PLCL1: variants seen among roughly 807,000 people sequenced by gnomAD.
PLCL1 encodes inactive phospholipase C-like protein 1.
Under a neutral mutation model 84.4 loss-of-function variants are expected in PLCL1, and 41 were observed. The observed-to-expected ratio is 0.49, with a 90% CI of 0.38 to 0.63. The LOEUF is 0.63. PLCL1 is among the 30% of genes least tolerant of loss of function. PLCL1 has a pLI of 0.00. For synonymous variants in PLCL1, 490 were observed against 488.3 expected, an observed-to-expected ratio of 1.00 and a Z score of -0.05; for missense variants, 1,206 against 1,367.8, an observed-to-expected ratio of 0.88 and a Z score of 1.87.
At chr2:197,813,705 C>A (rs1439757103) in intron 1 of PLCL1, among the ~76,000 whole-genome samples, 1 of 152,022 alleles carries the variant, frequency 6.6e-6, no homozygotes, top group Non-Finnish European at 1.5e-5. Context: ...CTCACAATAA[C>A]CATATGATAT....
intron 1 of PLCL1, among the ~76,000 whole-genome samples, chr2:197,833,903 T>G (rs531059857): frequency 1.3e-5 from 2 of 152,340 alleles, no homozygotes; most frequent in South Asian, 4.1e-4. Context: ...TCATGCTACC[T>G]GACTTCAAAC....
chr2:197,811,178 G>A lies in PLCL1; in HGVS notation c.240+5839G>A, dbSNP rs547114851. On this transcript the variant is annotated intron_variant, in intron 1 of 5. Transcript: ENST00000428675. The stretch of plus-strand genomic sequence containing the variant: ...ATAGGAAACAATAGACAGAGTTTAT[G>A]GTAATTAATGATTATACTAAACTGA... Among the ~76,000 whole-genome samples the A allele has an allele frequency of 3.3e-5, 5 of 152,294 alleles. 1 individual carries two copies. In the South Asian group the frequency reaches 1.0e-3, roughly 32 times the overall value.
intron 5 of PLCL1, among the ~76,000 whole-genome samples, chr2:198,108,716 A>AT (rs2105917811): frequency 1.3e-5 from 2 of 152,082 alleles, no homozygotes; most frequent in Non-Finnish European, 2.9e-5. Context: ...TAGCAAGGAA[A>AT]CTGAAATCAA....
At chr2:198,077,474 C>A (rs1349951979) in intron 1 of PLCL1, among the ~76,000 whole-genome samples, 1 of 152,112 alleles carries the variant, frequency 6.6e-6, no homozygotes, top group Non-Finnish European at 1.5e-5. Flanking sequence ...TTAGTCTTGG[C>A]TTCTGTGGAA....
rs140960880 is a variant in PLCL1 at position 197,963,087 on chromosome 2, C to T, written c.241-120671C>T. 8.6e-4 allele frequency among the ~76,000 whole-genome samples: 131 copies of T among 152,132 alleles called. 4 individuals are homozygous for T. The East Asian group carries it at 0.023, about 27-fold the overall frequency. ...ACTGATTTCCTTTCTTCTGAGTATA[C>T]ACCTAGCAGTAGGATTGCTGGATCA... On this transcript the variant is annotated intron_variant, in intron 1 of 5. Transcript: ENST00000428675.
chr2:197,921,719 A>G lies in PLCL1; in HGVS notation c.240+116380A>G, dbSNP rs965752635. On this transcript the variant is annotated intron_variant, in intron 1 of 5. Coordinates refer to ENST00000428675, the MANE Select transcript of PLCL1 (RefSeq NM_006226.4). ...ACACCGTCTCTCTCACCTGACATACACTTCTTTGAGTTTAATGTACAACAG... is the reference window on the plus strand; with the variant it reads ...ACACCGTCTCTCTCACCTGACATACGCTTCTTTGAGTTTAATGTACAACAG... 2.0e-5 allele frequency among the ~76,000 whole-genome samples: 3 copies of G among 152,104 alleles called. No homozygotes were observed. In the South Asian group the frequency reaches 6.2e-4, roughly 32 times the overall value.
At chr2:197,968,351 GTACCA>G (rs1689789699) in intron 1 of PLCL1, among the ~76,000 whole-genome samples, 1 of 152,118 alleles carries the variant, frequency 6.6e-6, no homozygotes, top group Non-Finnish European at 1.5e-5. Context: ...CAAGGTGAAT[GTACCA>G]CACAGAATTA....
At chr2:197,886,835 G>C (rs530569789) in intron 1 of PLCL1, among the ~76,000 whole-genome samples, 1 of 152,150 alleles carries the variant, frequency 6.6e-6, no homozygotes, top group Non-Finnish European at 1.5e-5. Context: ...GGTTTAGCTC[G>C]GGGCAGTAGG....
intron 1 of PLCL1, among the ~76,000 whole-genome samples, chr2:197,903,736 C>T (rs1688319746): frequency 1.4e-5 from 2 of 145,668 alleles, no homozygotes; most frequent in Admixed American, 7.0e-5. Flanking sequence ...ATCTCCTGAC[C>T]TCGTGATCTG....
At chr2:197,995,937 T>C (rs2105816419) in intron 1 of PLCL1, among the ~76,000 whole-genome samples, 1 of 152,334 alleles carries the variant, frequency 6.6e-6, no homozygotes, top group South Asian at 2.1e-4. Flanking sequence ...CATGAGTTTA[T>C]GCACAGGAAA....
intron 1 of PLCL1, among the ~76,000 whole-genome samples, chr2:198,053,299 C>T (rs151222808): frequency 1.2e-3 from 176 of 152,316 alleles, no homozygotes; most frequent in African/African-American, 4.0e-3. Flanking sequence ...GGCTGATTTC[C>T]TAGCTCTTTC....
At chr2:198,040,008 G>T (rs1691623343) in intron 1 of PLCL1, among the ~76,000 whole-genome samples, 1 of 152,086 alleles carries the variant, frequency 6.6e-6, no homozygotes, top group South Asian at 2.1e-4. Flanking sequence ...TTAGGGAGAG[G>T]GAATAGATCA....
intron 1 of PLCL1, among the ~76,000 whole-genome samples, chr2:197,856,150 T>C (rs145570454): frequency 1.9e-3 from 289 of 152,318 alleles, no homozygotes; most frequent in Non-Finnish European, 3.3e-3. Context: ...TTATTGGTCT[T>C]AGAGGAAACA....
At chr2:197,851,790 G>GC (rs1687244343) in intron 1 of PLCL1, among the ~76,000 whole-genome samples, 1 of 152,180 alleles carries the variant, frequency 6.6e-6, no homozygotes. Flanking sequence ...AGTTCAAGGG[G>GC]CCTTTAGACC....
At chr2:197,923,213 C>CA (rs1688750880) in intron 1 of PLCL1, among the ~76,000 whole-genome samples, 1 of 148,344 alleles carries the variant, frequency 6.7e-6, no homozygotes, top group East Asian at 2.1e-4. Flanking sequence ...GGGGCTGACC[C>CA]CCCACCTCCC....
At chr2:197,844,609 A>G (rs1213691151) in intron 1 of PLCL1, among the ~76,000 whole-genome samples, 3 of 152,048 alleles carry the variant, frequency 2.0e-5, no homozygotes, top group African/African-American at 7.2e-5. Flanking sequence ...CTTATTTATC[A>G]TTTTCATTAT....
chr2:198,098,343 A>G (rs1300181582), intron 3 of PLCL1, among the ~76,000 whole-genome samples: 1 of 152,190 alleles, frequency 6.6e-6, no homozygotes, highest in Non-Finnish European at 1.5e-5. Flanking sequence ...ATCATGATTG[A>G]TGCATGTTGT....
intron 1 of PLCL1, among the ~76,000 whole-genome samples, chr2:198,047,121 C>T (rs1173680992): frequency 2.6e-5 from 4 of 151,730 alleles, no homozygotes; most frequent in Non-Finnish European, 5.9e-5. Flanking sequence ...GGATGATGTA[C>T]TAGGCTTGCT....
At chr2:197,980,994 G>A (rs941175016) in intron 1 of PLCL1, among the ~76,000 whole-genome samples, 1 of 152,104 alleles carries the variant, frequency 6.6e-6, no homozygotes, top group African/African-American at 2.4e-5. Context: ...TATTAGGTTC[G>A]TTTTTGCCAT....
Sources: allele counts gnomAD v4.1 joint callset (sites outside exome capture counted in the v4.1 genomes callset), GRCh38; gene constraint gnomAD v4.1.1; transcripts MANE v1.5; gene names NCBI Gene and HGNC (gene_info 2026-07-23, HGNC 2026-07-21).